LIFR: variants seen among roughly 807,000 people sequenced by gnomAD.
LIFR encodes leukemia inhibitory factor receptor.
A neutral mutation model predicts 122.2 loss-of-function variants in LIFR; 84 were observed. The observed-to-expected ratio is 0.69, with a 90% CI of 0.58 to 0.82. LIFR has a LOEUF of 0.82. LIFR is among the 40% of genes least tolerant of loss of function. The pLI is 0.00. For missense variants in LIFR, 1,294 were observed against 1,311.6 expected, an observed-to-expected ratio of 0.99 and a Z score of 0.21; for synonymous variants, 422 against 434.7, an observed-to-expected ratio of 0.97 and a Z score of 0.36.
chr5:38,520,617 G>C (rs1215747731), intron 5 of LIFR, among the ~76,000 whole-genome samples: 1 of 152,096 alleles, frequency 6.6e-6, no homozygotes, highest in African/African-American at 2.4e-5. Flanking sequence ...TTGTATATGA[G>C]AGACAGAGAT....
At chr5:38,488,777 G>GA (rs1202556720) in intron 16 of LIFR, among the ~76,000 whole-genome samples, 1 of 152,194 alleles carries the variant, frequency 6.6e-6, no homozygotes, top group Non-Finnish European at 1.5e-5. Flanking sequence ...AACTTCATGA[G>GA]ATGCCTTGTT....
chr5:38,530,502 T>C lies in LIFR; in HGVS notation c.142+4A>G, dbSNP rs779360776. The C allele has an allele frequency of 5.0e-6, 8 of 1,610,324 alleles. No individual in the cohort carries two copies. The South Asian group carries it at 5.5e-5, about 11-fold the overall frequency. On this transcript the variant is annotated splice_donor_region_variant and intron_variant, in intron 2 of 19. Coordinates refer to ENST00000453190, the MANE Select transcript of LIFR (RefSeq NM_001127671.2). ...TTCATTCTCTGGAAGGCTGATGCAC[T>C]TACCCTTTTTCTGGCTATTTACTTG... is the stretch of plus-strand genomic sequence containing the variant.
chr5:38,496,991 A>T (rs1015836161), intron 12 of LIFR, among the ~76,000 whole-genome samples: 1 of 151,554 alleles, frequency 6.6e-6, no homozygotes, highest in African/African-American at 2.4e-5. Context: ...ACAAAAAACA[A>T]CCAGTTACAA....
chr5:38,509,129 A>G (rs1745656661), intron 7 of LIFR, among the ~76,000 whole-genome samples: 1 of 152,178 alleles, frequency 6.6e-6, no homozygotes, highest in Non-Finnish European at 1.5e-5. Flanking sequence ...AAAGATTACA[A>G]CACTGTCTGA....
chr5:38,504,796 C>A (rs1056335550), intron 9 of LIFR, among the ~76,000 whole-genome samples: 3 of 152,086 alleles, frequency 2.0e-5, no homozygotes, highest in African/African-American at 7.2e-5. Context: ...GCCATGGTGA[C>A]ACTAGGAAAA....
chr5:38,518,612 A>C (rs1266616909), intron 5 of LIFR, among the ~76,000 whole-genome samples: 1 of 152,246 alleles, frequency 6.6e-6, no homozygotes, highest in Non-Finnish European at 1.5e-5. Context: ...ATAAGAGTAT[A>C]ACACATATAA....
In LIFR at chr5:38,602,774, A is replaced by G. The variant is rs78312650; in HGVS notation, n.305+3431T>C. Among the ~76,000 whole-genome samples, 736 of 152,244 alleles carry G rather than the reference A, an allele frequency of 4.8e-3. 7 individuals carry two copies. Among genetic ancestry groups the G allele is most frequent in the African/African-American group, 0.017 (691 of 41,542 alleles). Reference sequence around the variant, plus strand: ...AAAGGATCTTCTTCCCCCACCCACTAGGAATGTCAGATGATGGTTCGACAA... The same window carrying G: ...AAAGGATCTTCTTCCCCCACCCACTGGGAATGTCAGATGATGGTTCGACAA... On this transcript the variant is annotated intron_variant and non_coding_transcript_variant, in intron 2 of 3. Coordinates refer to the LIFR transcript ENST00000507786.
intron 1 of LIFR, 81 bp from the exon 2 acceptor site, chr5:38,530,747 A>G (rs757638891): frequency 8.9e-7 from 1 of 1,126,310 alleles, no homozygotes; most frequent in Non-Finnish European, 1.4e-6. Flanking sequence ...ACACTCAAAT[A>G]GATTCTGACA....
chr5:38,550,717 CA>C, intron 1 of LIFR, among the ~76,000 whole-genome samples: 1 of 152,286 alleles, frequency 6.6e-6, no homozygotes, highest in South Asian at 2.1e-4. Flanking sequence ...GTAAATCTCG[CA>C]AAAGTTCCTG....
At chr5:38,577,522 C>T (rs2112730294) in intron 1 of LIFR, among the ~76,000 whole-genome samples, 1 of 152,236 alleles carries the variant, frequency 6.6e-6, no homozygotes, top group South Asian at 2.1e-4. Context: ...CCTGCACACC[C>T]TCCTCTTCCT....
chr5:38,475,275 A>C lies in LIFR; in HGVS notation c.*6320T>G, dbSNP rs562894485. Reference sequence around the variant, plus strand: ...AATGCTTCAGTTATCATCTAAGTGGAGTTGTTTTATTCCATATTACTCTCA... The same window carrying C: ...AATGCTTCAGTTATCATCTAAGTGGCGTTGTTTTATTCCATATTACTCTCA... On this transcript the variant is annotated 3_prime_UTR_variant, in exon 20 of 20. Transcript: ENST00000453190. 1 of 193,548 alleles carries C rather than the reference A, an allele frequency of 5.2e-6. No individual in the cohort carries two copies. Among genetic ancestry groups the C allele is most frequent in the African/African-American group, 2.3e-5 (1 of 43,300 alleles). The allele number at this position is 193,548 out of a possible 1,614,324, so 12.0% of individuals were successfully genotyped here. A position where few individuals can be genotyped will look rare whatever the true frequency, so the allele number is the denominator to read the frequency against.
intron 5 of LIFR, among the ~76,000 whole-genome samples, chr5:38,519,841 T>C (rs1236067752): frequency 1.3e-5 from 2 of 152,204 alleles, no homozygotes; most frequent in Non-Finnish European, 2.9e-5. Context: ...CCATTGTGTG[T>C]ATATATCACA....
At chr5:38,560,763 T>A (rs1388517427), upstream of LIFR, among the ~76,000 whole-genome samples, 1 of 151,792 alleles carries the variant, frequency 6.6e-6, no homozygotes, top group Admixed American at 6.6e-5. Context: ...GTCTGGCTAA[T>A]TTTTTTGTAT....
At chr5:38,493,539 C>T in intron 14 of LIFR, 67 bp downstream of exon 14, 1 of 1,430,802 alleles carries the variant, frequency 7.0e-7, no homozygotes, top group Non-Finnish European at 9.9e-7. Context: ...TCACTGCACC[C>T]AGTCTTACGT....
chr5:38,528,563 T>C, intron 3 of LIFR, 163 bp downstream of exon 3: 1 of 662,030 alleles, frequency 1.5e-6, no homozygotes, highest in Non-Finnish European at 2.8e-6. Flanking sequence ...TAATGCTTGG[T>C]GCCCTACAGG....
Position 38,531,063 on chromosome 5 carries a change from G to A in LIFR, c.-19-397C>T, listed in dbSNP as rs191689212. 1.7e-3 allele frequency: 290 copies of A among 169,116 alleles called. 2 individuals carry two copies. Among genetic ancestry groups the A allele is most frequent in the African/African-American group, 5.8e-3 (242 of 41,812 alleles). 10.5% of individuals were successfully genotyped at this position (169,116 alleles called of 1,614,324 possible). On this transcript the variant is annotated intron_variant, in intron 1 of 19. Coordinates refer to ENST00000453190, the MANE Select transcript of LIFR (RefSeq NM_001127671.2). ...ATATTTTTATGTATTTTATTAGTAC[G>A]TTAACTTGTGTTTAGTCATTTATGA...
chr5:38,475,942 C>T lies in LIFR; in HGVS notation c.*5653G>A, dbSNP rs1220963707. 2.1e-5 allele frequency: 4 copies of T among 193,070 alleles called. No homozygotes were observed. Among genetic ancestry groups the T allele is most frequent in the South Asian group, 3.9e-4 (2 of 5,170 alleles). 12.0% of individuals were successfully genotyped at this position (193,070 alleles called of 1,614,324 possible). ...AATTTAAATGTATTTAAGAAAAAGC[C>T]GTGCTCTTTTTTGAGAAAATAACAG... On this transcript the variant is annotated 3_prime_UTR_variant, in exon 20 of 20. Transcript: ENST00000453190.
intron 2 of LIFR, among the ~76,000 whole-genome samples, chr5:38,605,634 G>C (rs776300980): frequency 6.6e-6 from 1 of 152,124 alleles, no homozygotes; most frequent in Non-Finnish European, 1.5e-5. Flanking sequence ...CCTAAAAAAA[G>C]ATACCTGCTA....
At chr5:38,573,538 C>T (rs1356265826) in intron 1 of LIFR, among the ~76,000 whole-genome samples, 3 of 152,268 alleles carry the variant, frequency 2.0e-5, no homozygotes, top group African/African-American at 7.2e-5. Context: ...AATATCAGAG[C>T]AAATGAAATT....
Sources: gnomAD v4.1 joint callset for allele counts (sites outside exome capture counted in the v4.1 genomes callset) on GRCh38, gnomAD v4.1.1 for gene constraint, MANE v1.5 for transcripts, NCBI Gene and HGNC (gene_info 2026-07-23, HGNC 2026-07-21) for gene names.